The following ANO2 variants were observed in gnomAD, a reference collection of about 807,000 sequenced individuals.
ANO2 encodes anoctamin-2.
Under a neutral mutation model 124.2 loss-of-function variants are expected in ANO2, and 101 were observed. That is an observed-to-expected ratio of 0.81 (90% confidence interval 0.69 to 0.96). The LOEUF is 0.96. ANO2 is among the 40% of genes least tolerant of loss of function. The probability of loss-of-function intolerance (pLI) is 0.00; values close to 1 mark genes in which losing one functional copy is unlikely to be tolerated. For synonymous variants in ANO2, 486 were observed against 482.5 expected (o/e 1.01, Z -0.09); for missense variants, 1,293 against 1,274.5 (o/e 1.01, Z -0.22).
intron 11 of ANO2, among the ~76,000 whole-genome samples, chr12:5,747,074 G>A (rs1366013425): frequency 6.6e-6 from 1 of 152,190 alleles, no homozygotes; most frequent in Non-Finnish European, 1.5e-5. Flanking sequence ...TCAGTTTTCT[G>A]GTTTTGATGT....
chr12:5,844,480 C>A (rs1470600366), intron 4 of ANO2, among the ~76,000 whole-genome samples: 1 of 152,214 alleles, frequency 6.6e-6, no homozygotes, highest in African/African-American at 2.4e-5. Flanking sequence ...CAAAAGGTAA[C>A]TGTCCTAAGG....
In ANO2 at chr12:5,635,601, A is replaced by T. The variant is rs1269193256; in HGVS notation, c.1621-254T>A. 6.8e-6 allele frequency among the ~76,000 whole-genome samples: 1 copy of T among 146,856 alleles called. No individual in the cohort carries two copies. Among genetic ancestry groups the T allele is most frequent in the Admixed American group, 6.7e-5 (1 of 14,826 alleles). Reference sequence around the variant, plus strand: ...TTTGTCAGATTCCAAATGATTTATCACACACACACACACACACACACACAC... The same window carrying T: ...TTTGTCAGATTCCAAATGATTTATCTCACACACACACACACACACACACAC... On this transcript the variant is annotated intron_variant, in intron 15 of 24. Transcript: ENST00000682330. This position sits in a 1 kb window ranked among gnomAD's most constrained non-coding sequence, Gnocchi z 5.2.
At chr12:5,699,498 G>A (rs1949319832) in intron 14 of ANO2, among the ~76,000 whole-genome samples, 1 of 152,026 alleles carries the variant, frequency 6.6e-6, no homozygotes, top group Non-Finnish European at 1.5e-5. Flanking sequence ...ATGCCAAACT[G>A]TAAAGACCAT....
At chr12:5,743,220 C>A (rs191974809) in intron 12 of ANO2, among the ~76,000 whole-genome samples, 1 of 151,620 alleles carries the variant, frequency 6.6e-6, no homozygotes, top group Admixed American at 6.6e-5. Flanking sequence ...CCTGGCATAT[C>A]CTCTGGGCGC....
intron 6 of ANO2, among the ~76,000 whole-genome samples, chr12:5,830,164 T>C (rs1443188627): frequency 3.9e-5 from 6 of 152,188 alleles, no homozygotes; most frequent in African/African-American, 1.2e-4. Context: ...CCGCACCAAC[T>C]ATGACCTTCT....
chr12:5,609,517 C>T (rs1183107395), intron 19 of ANO2, among the ~76,000 whole-genome samples: 1 of 152,178 alleles, frequency 6.6e-6, no homozygotes, highest in Non-Finnish European at 1.5e-5. Context: ...GTAAATTAAA[C>T]TGTCTCCATT....
chr12:5,888,371 CAAACCTTCCACAGT>C (rs1939115320), intron 3 of ANO2, among the ~76,000 whole-genome samples: 1 of 152,122 alleles, frequency 6.6e-6, no homozygotes. Flanking sequence ...AGCGAAAGAA[CAAACCTTCCACAGT>C]GTGGAAGGGG....
chr12:5,598,194 G>C (rs922848042), intron 20 of ANO2, among the ~76,000 whole-genome samples: 5 of 152,150 alleles, frequency 3.3e-5, no homozygotes, highest in African/African-American at 1.2e-4. Flanking sequence ...ACGGCCCTCT[G>C]CTACAAGTGA....
At position 5,827,762 on chromosome 12, in the gene ANO2, T is replaced by C; in HGVS notation, c.892+7A>G. The C allele has an allele frequency of 6.2e-7, 1 of 1,609,202 alleles. No individual in the cohort carries two copies. On this transcript the variant is annotated splice_region_variant and intron_variant, in intron 7 of 24. Coordinates refer to ENST00000682330, the MANE Select transcript of ANO2 (RefSeq NM_001364791.2). Reference sequence around the variant, plus strand: ...TCAGCACCCTGCCCGCGGGCTGGGGTCCTTACCCATCGTGTTGTTGGCTCG... The same window carrying C: ...TCAGCACCCTGCCCGCGGGCTGGGGCCCTTACCCATCGTGTTGTTGGCTCG...
At chr12:5,865,000 G>A (rs1955378209) in intron 3 of ANO2, among the ~76,000 whole-genome samples, 1 of 152,158 alleles carries the variant, frequency 6.6e-6, no homozygotes, top group Middle Eastern at 3.4e-3. Flanking sequence ...TGTCTCTCCT[G>A]ACTTAAAATT....
chr12:5,790,205 C>A (rs1273741883), intron 10 of ANO2, among the ~76,000 whole-genome samples: 2 of 152,190 alleles, frequency 1.3e-5, no homozygotes, highest in East Asian at 3.9e-4. Flanking sequence ...GGCTGAATGA[C>A]CTTCCCAGAG....
chr12:5,927,816 G>C (rs1339664658), intron 1 of ANO2, among the ~76,000 whole-genome samples: 1 of 152,216 alleles, frequency 6.6e-6, no homozygotes. Flanking sequence ...AGAAGTTCTG[G>C]CTGGGACCTC....
intron 11 of ANO2, among the ~76,000 whole-genome samples, chr12:5,745,049 G>A (rs556677024): frequency 2.3e-4 from 35 of 152,164 alleles, no homozygotes; most frequent in Non-Finnish European, 3.7e-4. Flanking sequence ...ATCTCTAATG[G>A]CCTGTATTCC....
chr12:5,748,470 G>C (rs184495823), intron 11 of ANO2, among the ~76,000 whole-genome samples: 163 of 152,286 alleles, frequency 1.1e-3, no homozygotes, highest in African/African-American at 3.7e-3. Context: ...CTGCTTATTA[G>C]AAAAAGCAAA....
intron 14 of ANO2, among the ~76,000 whole-genome samples, chr12:5,675,860 C>T (rs922660538): frequency 5.9e-5 from 9 of 152,192 alleles, no homozygotes; most frequent in African/African-American, 1.4e-4. Context: ...CTCAGGGCCA[C>T]GGAGAGTGGG....
intron 16 of ANO2, among the ~76,000 whole-genome samples, chr12:5,621,014 C>T (rs1186197194): frequency 6.6e-6 from 1 of 152,112 alleles, no homozygotes; most frequent in African/African-American, 2.4e-5. Context: ...CCATCTTTGG[C>T]CTGATTCTCA....
At chr12:5,833,644 C>T (rs536654914) in intron 4 of ANO2, among the ~76,000 whole-genome samples, 7 of 152,286 alleles carry the variant, frequency 4.6e-5, no homozygotes, top group East Asian at 1.9e-4. Context: ...CAAGCATTAC[C>T]GCCTGAGCTC....
chr12:5,589,781 C>G (rs10774347), intron 20 of ANO2, among the ~76,000 whole-genome samples: 3 of 151,798 alleles, frequency 2.0e-5, no homozygotes, highest in Non-Finnish European at 2.9e-5. Context: ...AGCCCAGGGC[C>G]GGGAGAGCAC....
In ANO2 at chr12:5,676,998, A is replaced by G. The variant is rs1303699484; in HGVS notation, c.1546-29197T>C. 3.9e-5 allele frequency among the ~76,000 whole-genome samples: 6 copies of G among 152,238 alleles called. No individual in the cohort carries two copies. The South Asian group carries it at 1.0e-3, about 26-fold the overall frequency. On this transcript the variant is annotated intron_variant, in intron 14 of 24. Transcript: ENST00000682330. ...GAACCTGGCAGGTGGAGGTTGCAGT[A>G]AGCCAAGATCATATCACTACACTCC... is the stretch of plus-strand genomic sequence containing the variant.
Sources: gnomAD v4.1 joint callset for allele counts (sites outside exome capture counted in the v4.1 genomes callset) on GRCh38, gnomAD v4.1.1 for gene constraint, Gnocchi (gnomAD v3.1) non-coding constraint, MANE v1.5 for transcripts, NCBI Gene and HGNC (gene_info 2026-07-23, HGNC 2026-07-21) for gene names.